Variants in ZAN observed in about 807,000 individuals in gnomAD.
The protein encoded by ZAN is zonadhesin.
ZAN carries 260 observed loss-of-function variants against 286.2 expected under a neutral mutation model. The ratio of observed to expected loss-of-function variants is 0.91; its 90% CI spans 0.82 to 1.01. ZAN has a LOEUF of 1.01. Ranked by LOEUF, ZAN falls within the 50% of genes least tolerant of loss-of-function variation. The probability of loss-of-function intolerance (pLI) is 0.00; values close to 1 mark genes in which losing one functional copy is unlikely to be tolerated. For synonymous variants in ZAN, 1,368 were observed against 1,417.5 expected (o/e 0.97, Z 0.79); for missense variants, 3,410 against 3,639.2 (o/e 0.94, Z 1.62).
Position 100,737,153 on chromosome 7 carries a change from G to A in ZAN, c.525+73G>A, listed in dbSNP as rs1427061700. 6.9e-6 allele frequency: 10 copies of A among 1,440,784 alleles called. 1 individual carries two copies. The East Asian group carries it at 1.7e-4, about 25-fold the overall frequency. The allele number at this position is 1,440,784 out of a possible 1,614,324, so 89.2% of individuals were successfully genotyped here. A position where few individuals can be genotyped will look rare whatever the true frequency, so the allele number is the denominator to read the frequency against. On this transcript the variant is annotated intron_variant, in intron 5 of 47. Coordinates refer to ENST00000613979, the MANE Select transcript of ZAN (RefSeq NM_003386.3). ...TGGAGAGCCTGAGGGTGGGGGTGTGGCAAAAAGGGATTGTGGGGGCCAAGC... is the reference window on the plus strand; with the variant it reads ...TGGAGAGCCTGAGGGTGGGGGTGTGACAAAAAGGGATTGTGGGGGCCAAGC...
Position 100,767,207 on chromosome 7 carries a change from G to A in ZAN, c.4810G>A (p.Val1604Met), listed in dbSNP as rs374934756. 68 of 1,613,122 alleles carry A rather than the reference G, an allele frequency of 4.2e-5. No homozygotes were observed. Among genetic ancestry groups the A allele is most frequent in the African/African-American group, 1.6e-4 (12 of 74,868 alleles). ...LEVSYIKAVHVTVFDLSISLL... is the reference protein window; with the variant it reads ...LEVSYIKAVHMTVFDLSISLL... ...GGTCTCCTACATCAAAGCCGTCCAC[G>A]TGACAGTCTTTGACCTCAGCATCTC... Residue 1604 changes from valine to methionine, a missense_variant, in exon 25 of 48, where the codon GTG becomes ATG. Coordinates refer to ENST00000613979, the MANE Select transcript of ZAN (RefSeq NM_003386.3).
At chr7:100,771,750 C>G in intron 28 of ZAN, 94 bp from the exon 29 acceptor site, 1 of 1,368,556 alleles carries the variant, frequency 7.3e-7, no homozygotes, top group East Asian at 2.4e-5. Context: ...CAGGTTTTGA[C>G]TGAAGTGGAT....
chr7:100,774,984 G>A (rs1259503370), intron 31 of ZAN, among the ~76,000 whole-genome samples: 5 of 152,214 alleles, frequency 3.3e-5, no homozygotes, highest in African/African-American at 9.6e-5. Flanking sequence ...CTGGAGTGCA[G>A]TGGTGCAATC....
chr7:100,780,919 C>T (rs1448830362), intron 35 of ZAN, among the ~76,000 whole-genome samples: 6 of 151,808 alleles, frequency 4.0e-5, no homozygotes, highest in East Asian at 1.9e-4. Flanking sequence ...ATGAGACCCC[C>T]GCATCGCTAC....
chr7:100,753,341 T>A, intron 14 of ZAN, 112 bp downstream of exon 14: 1 of 1,221,520 alleles, frequency 8.2e-7, no homozygotes, highest in Non-Finnish European at 1.1e-6. Flanking sequence ...TCTAGATGCT[T>A]CTAGTACTCT....
Position 100,750,816 on chromosome 7 carries a change from T to G in ZAN, c.1441T>G (p.Trp481Gly), listed in dbSNP as rs751306946. 1.2e-6 allele frequency: 2 copies of G among 1,605,236 alleles called. No homozygotes were observed. Among genetic ancestry groups the G allele is most frequent in the South Asian group, 1.1e-5 (1 of 89,844 alleles). Residue 481 changes from tryptophan to glycine, a missense_variant, in exon 12 of 48, where the codon TGG (tryptophan) becomes GGG (glycine). Around this residue, in one of 7 missense-constraint regions of ZAN, gnomAD observed 872 missense variants for 938.9 expected, o/e 0.93. Transcript: ENST00000613979. ...TGCGGGGAGTCCCCCGATTCCTCTC[T>G]GGAAACGCGTGGGGTCTCAGCGCCC... ...SPAGSPPIPL[W>G]KRVGSQRPYW...
Position 100,792,129 on chromosome 7 carries a change from GC to G in ZAN, c.7697del (p.Pro2566GlnfsTer103). 6.2e-7 allele frequency: 1 copy of G among 1,609,658 alleles called. No homozygotes were observed. On this transcript the variant is annotated frameshift_variant, in exon 41 of 48. Coordinates refer to ENST00000613979, the MANE Select transcript of ZAN (RefSeq NM_003386.3). LOFTEE classifies it high-confidence loss of function. ...CTTTGCTGCCTGTCACCAGACGGTG[GC>G]CCCAGAGCCCTTCCAAGAGTGAGTC... ...GPFAACHQTVAPEPFQEHCVL... is the reference protein window; with the variant it reads ...GPFAACHQTVXPEPFQEHCVL...
chr7:100,784,932 A>C, intron 36 of ZAN, 98 bp downstream of exon 36: 2 of 1,361,418 alleles, frequency 1.5e-6, no homozygotes, highest in Non-Finnish European at 2.0e-6. Flanking sequence ...CCCATGACTT[A>C]CAGCTGGCCC....
intron 22 of ZAN, among the ~76,000 whole-genome samples, chr7:100,764,997 G>C (rs2116018748): frequency 6.6e-6 from 1 of 152,260 alleles, no homozygotes; most frequent in African/African-American, 2.4e-5. Context: ...CCAGCTCTTT[G>C]GGGAAGCTGC....
chr7:100,754,928 C>T (rs1485495796), intron 14 of ZAN, among the ~76,000 whole-genome samples: 1 of 152,102 alleles, frequency 6.6e-6, no homozygotes, highest in Non-Finnish European at 1.5e-5. Context: ...AGGCGTGAGC[C>T]ACCGTGCCTA....
At chr7:100,778,576 C>G (rs1304409603) in intron 34 of ZAN, among the ~76,000 whole-genome samples, 1 of 152,094 alleles carries the variant, frequency 6.6e-6, no homozygotes, top group Non-Finnish European at 1.5e-5. Flanking sequence ...CCACTGTACT[C>G]CAGACTGGGC....
At chr7:100,794,934 A>T (rs1398535809) in intron 44 of ZAN, among the ~76,000 whole-genome samples, 1 of 149,010 alleles carries the variant, frequency 6.7e-6, no homozygotes, top group African/African-American at 2.5e-5. Context: ...AGAGGAGGGG[A>T]GAAGGAGGGA....
chr7:100,770,813 C>A (rs1356999736), intron 28 of ZAN, among the ~76,000 whole-genome samples: 3 of 150,786 alleles, frequency 2.0e-5, no homozygotes, highest in Non-Finnish European at 4.4e-5. Context: ...CACCACCATG[C>A]CCAACTAATT....
At chr7:100,762,419 CTTTTTTTTT>C (rs869138443) in intron 20 of ZAN, 61 bp downstream of exon 20, 24 of 1,019,194 alleles carry the variant, frequency 2.4e-5, no homozygotes, top group East Asian at 1.4e-4. Context: ...CTGGAACTCT[CTTTTTTTTT>C]TTTTTTTTTT....
chr7:100,767,361 C>A, intron 25 of ZAN, 104 bp downstream of exon 25: 1 of 1,496,836 alleles, frequency 6.7e-7, no homozygotes, highest in Non-Finnish European at 8.9e-7. Flanking sequence ...CTCCTTAGAG[C>A]ACCTGGGAAG....
intron 19 of ZAN, among the ~76,000 whole-genome samples, chr7:100,761,991 G>A (rs1562933896): frequency 1.3e-5 from 2 of 150,488 alleles, no homozygotes. Context: ...TAAATAAAGT[G>A]GGAGTGTTTT....
In ZAN at chr7:100,784,731, G is replaced by T; in HGVS notation, c.6731G>T (p.Cys2244Phe). The part of the protein sequence containing the change: ...RCEGAKVPSA[C>F]AEGCICQPGY... ...GAGGGCGCCAAAGTCCCCTCTGCCT[G>T]CGCTGAGGGCTGCATTTGTCAGCCC... The change falls in exon 36 of 48, where the codon TGC (cysteine) becomes TTC (phenylalanine). Residue 2244 changes from cysteine to phenylalanine, a missense_variant. By Grantham distance (205) the Cys-to-Phe change is radical. Transcript: ENST00000613979. 1 of 1,613,944 alleles carries T rather than the reference G, an allele frequency of 6.2e-7. No homozygotes were observed. The highest frequency in any genetic ancestry group is 1.1e-5 in the South Asian group (1 of 91,082).
At position 100,786,260 on chromosome 7, in the gene ZAN, C is replaced by T. The variant is rs906502664; in HGVS notation, c.6979+119C>T. On this transcript the variant is annotated intron_variant, in intron 37 of 47. Coordinates refer to ENST00000613979, the MANE Select transcript of ZAN (RefSeq NM_003386.3). ...ACCCCAGCACAGTCAGGGGTTGGGGCGGGCGACTGGATCAGGAGGCCTGGC... is the reference window on the plus strand; with the variant it reads ...ACCCCAGCACAGTCAGGGGTTGGGGTGGGCGACTGGATCAGGAGGCCTGGC... 5.8e-5 allele frequency: 84 copies of T among 1,443,558 alleles called. No homozygotes were observed. In the East Asian group the frequency reaches 1.5e-3, roughly 26 times the overall value. 89.4% of individuals were successfully genotyped at this position (1,443,558 alleles called of 1,614,324 possible). A position where few individuals can be genotyped will look rare whatever the true frequency, so the allele number is the denominator to read the frequency against.
intron 42 of ZAN, among the ~76,000 whole-genome samples, chr7:100,792,982 C>CAAAAAAAAAAAAA (rs1232116032): frequency 5.5e-4 from 28 of 50,898 alleles, no homozygotes; most frequent in South Asian, 9.4e-4. Context: ...CATCCTATCT[C>CAAAAAAAAAAAAA]AAAAAAAAAA....
Sources: allele counts gnomAD v4.1 joint callset (sites outside exome capture counted in the v4.1 genomes callset), GRCh38; gene constraint gnomAD v4.1.1; regional missense constraint gnomAD v4.1.1; transcripts MANE v1.5; gene names NCBI Gene and HGNC (gene_info 2026-07-23, HGNC 2026-07-21).